ARPC1B: variants seen among roughly 807,000 people sequenced by gnomAD.
ARPC1B encodes the protein actin-related protein 2/3 complex subunit 1B.
A neutral mutation model predicts 46.0 loss-of-function variants in ARPC1B; 29 were observed. That is an observed-to-expected ratio of 0.63 (90% CI 0.47 to 0.86). ARPC1B has a LOEUF of 0.86. ARPC1B is among the 40% of genes least tolerant of loss of function. The pLI, the probability that ARPC1B is intolerant of heterozygous loss-of-function variation, is 0.00. For missense variants in ARPC1B, 469 were observed against 529.4 expected, an observed-to-expected ratio of 0.89 and a Z score of 1.12; for synonymous variants, 201 against 213.9, an observed-to-expected ratio of 0.94 and a Z score of 0.53.
At chr7:99,391,324 C>T in intron 7 of ARPC1B, 71 bp downstream of exon 7, 1 of 1,431,042 alleles carries the variant, frequency 7.0e-7, no homozygotes, top group East Asian at 2.3e-5. Flanking sequence ...CAACTCTCAT[C>T]TCCTCCCTCC....
chr7:99,378,614 C>T (rs989622302), intron 1 of ARPC1B, among the ~76,000 whole-genome samples: 12 of 150,412 alleles, frequency 8.0e-5, no homozygotes, highest in African/African-American at 2.9e-4. Flanking sequence ...ACCTGGGAGG[C>T]GGAGGTTGCA....
At chr7:99,374,446 C>G (rs889862170), upstream of ARPC1B, 1 of 152,264 alleles carries the variant, frequency 6.6e-6, no homozygotes, top group South Asian at 2.1e-4. This position sits in a 1 kb window ranked among gnomAD's most constrained non-coding sequence, Gnocchi z 5.0. Flanking sequence ...CCGGCCCAGG[C>G]TCGGAGGTCC....
At chr7:99,381,046 G>C (rs1794202165) in intron 1 of ARPC1B, among the ~76,000 whole-genome samples, 1 of 152,216 alleles carries the variant, frequency 6.6e-6, no homozygotes, top group South Asian at 2.1e-4. Context: ...GGCATCAGAT[G>C]TGGGTGGTGA....
chr7:99,380,324 G>T (rs1794172506), intron 1 of ARPC1B, among the ~76,000 whole-genome samples: 1 of 152,172 alleles, frequency 6.6e-6, no homozygotes. Context: ...TGTGGGGGTT[G>T]GGGAGTTATC....
chr7:99,388,280 C>A lies in ARPC1B; in HGVS notation c.392+19C>A, dbSNP rs1794459438. 1 of 1,610,832 alleles carries A rather than the reference C, an allele frequency of 6.2e-7. No individual in the cohort carries two copies. The highest frequency in any genetic ancestry group is 1.3e-5 in the African/African-American group (1 of 74,872). ...ATGACTGGTGGGTACCTAGGCAGGG[C>A]CAGAGTGGGCTGTTAGGGACCGGGG... On this transcript the variant is annotated intron_variant, in intron 4 of 9. Coordinates refer to ENST00000646101, the MANE Select transcript of ARPC1B (RefSeq NM_005720.4).
chr7:99,393,392 G>A (rs1203845821), intron 8 of ARPC1B, among the ~76,000 whole-genome samples: 1 of 152,118 alleles, frequency 6.6e-6, no homozygotes, highest in Non-Finnish European at 1.5e-5. Context: ...CTGTCGTAGG[G>A]CTGGCCCCTA....
chr7:99,389,932 C>T lies in ARPC1B; in HGVS notation c.420C>T (p.Pro140=), dbSNP rs776057608. 3 of 1,614,174 alleles carry T rather than the reference C, an allele frequency of 1.9e-6. No individual in the cohort carries two copies. The South Asian group carries it at 3.3e-5, about 18-fold the overall frequency. ...GGGTTTGCAAGCACATCAAGAAGCC[C>T]ATCCGCTCCACCGTCCTCAGCCTGG... ...DWWVCKHIKK[P]IRSTVLSLDW... Residue 140 remains proline (P), a synonymous_variant, in exon 5 of 10, where the codon CCC becomes CCT. Coordinates refer to ENST00000646101, the MANE Select transcript of ARPC1B (RefSeq NM_005720.4).
At chr7:99,390,064 ACAT>A in intron 5 of ARPC1B, 52 bp downstream of exon 5, 1 of 1,522,892 alleles carries the variant, frequency 6.6e-7, no homozygotes, top group Middle Eastern at 1.7e-4. Context: ...CTGACTGCTG[ACAT>A]CATAGCGGGG....
At chr7:99,393,212 G>A (rs549473189) in intron 8 of ARPC1B, among the ~76,000 whole-genome samples, 1 of 152,392 alleles carries the variant, frequency 6.6e-6, no homozygotes, top group African/African-American at 2.4e-5. Context: ...GTTAGTTGTG[G>A]GCGGGGCCCA....
chr7:99,378,509 T>C (rs972202020), intron 1 of ARPC1B, among the ~76,000 whole-genome samples: 3 of 151,196 alleles, frequency 2.0e-5, no homozygotes, highest in Admixed American at 6.6e-5. Context: ...TGAAACCCCA[T>C]CTCTACTAAA....
chr7:99,387,254 C>T, intron 3 of ARPC1B, among the ~76,000 whole-genome samples: 1 of 152,076 alleles, frequency 6.6e-6, no homozygotes, highest in Non-Finnish European at 1.5e-5. Context: ...CCATCCTGGC[C>T]AACATGACTA....
At chr7:99,376,512 G>A (rs189338117) in intron 1 of ARPC1B, 1 of 152,176 alleles carries the variant, frequency 6.6e-6, no homozygotes, top group Admixed American at 6.6e-5. Context: ...AGTAGAAGCC[G>A]AGTGACTTTG....
intron 3 of ARPC1B, 93 bp downstream of exon 3, chr7:99,386,882 T>C: frequency 1.1e-6 from 1 of 915,130 alleles, no homozygotes; most frequent in Non-Finnish European, 1.7e-6. Context: ...TTGTGGAGCA[T>C]CTGCCCACTC....
chr7:99,374,444 G>T (rs1297594571), upstream of ARPC1B: 1 of 152,256 alleles, frequency 6.6e-6, no homozygotes, highest in Non-Finnish European at 1.5e-5. This position sits in a 1 kb window ranked among gnomAD's most constrained non-coding sequence, Gnocchi z 5.0. Flanking sequence ...GCCCGGCCCA[G>T]GCTCGGAGGT....
intron 1 of ARPC1B, among the ~76,000 whole-genome samples, chr7:99,383,158 A>C (rs1794280333): frequency 6.6e-6 from 1 of 151,938 alleles, no homozygotes; most frequent in South Asian, 2.1e-4. Flanking sequence ...TTCCTAACCT[A>C]TGTAATGATA....
rs778560711 is a variant in ARPC1B, at chr7:99,386,649, A to T, written c.65-36A>T. On this transcript the variant is annotated intron_variant, in intron 2 of 9. Coordinates refer to ENST00000646101, the MANE Select transcript of ARPC1B (RefSeq NM_005720.4). ...GTGTCCTGGCAGAGGGCAGTCATGG[A>T]GAGGGCCCCTCAATCTCCCTCCATC... is the stretch of plus-strand genomic sequence containing the variant. 6 of 1,505,112 alleles carry T rather than the reference A, an allele frequency of 4.0e-6. No homozygotes were observed. The Admixed American group carries it at 1.0e-4, about 25-fold the overall frequency. 93.2% of individuals were successfully genotyped at this position (1,505,112 alleles called of 1,614,324 possible).
At chr7:99,394,213 C>A in intron 9 of ARPC1B, 94 bp downstream of exon 9, 1 of 1,387,160 alleles carries the variant, frequency 7.2e-7, no homozygotes, top group Admixed American at 1.9e-5. Context: ...ATCCTTCACT[C>A]CTGCAGAGAT....
At chr7:99,389,258 G>C (rs958217041) in intron 4 of ARPC1B, 1 of 145,034 alleles carries the variant, frequency 6.9e-6, no homozygotes, top group African/African-American at 2.6e-5. Context: ...TTTGAGACAA[G>C]GTCTTGCTCT....
chr7:99,394,283 C>A, intron 9 of ARPC1B, 164 bp downstream of exon 9: 2 of 1,027,838 alleles, frequency 1.9e-6, no homozygotes, highest in Non-Finnish European at 3.0e-6. Context: ...TTGGTGCTCA[C>A]TGGGGCACCC....
Sources: gnomAD v4.1 joint callset for allele counts (sites outside exome capture counted in the v4.1 genomes callset) on GRCh38, gnomAD v4.1.1 for gene constraint, Gnocchi (gnomAD v3.1) non-coding constraint, MANE v1.5 for transcripts, NCBI Gene and HGNC (gene_info 2026-07-23, HGNC 2026-07-21) for gene names.